The following SEM1 variants were observed in gnomAD, a reference collection of about 807,000 sequenced individuals.
The protein encoded by SEM1 is 26S proteasome complex subunit SEM1.
Under a neutral mutation model 12.7 loss-of-function variants are expected in SEM1, and 3 were observed. That is an observed-to-expected ratio of 0.24 (90% CI 0.11 to 0.61). The LOEUF is 0.61. Among genes scored for constraint, SEM1 ranks in the 20% least tolerant of loss-of-function variants. SEM1 has a pLI of 0.88. For synonymous variants in SEM1, 30 were observed against 27.8 expected, an observed-to-expected ratio of 1.08 and a Z score of -0.25; for missense variants, 59 against 81.3, an observed-to-expected ratio of 0.73 and a Z score of 1.06.
At chr7:96,661,595 T>C (rs1563102480) in intron 2 of SEM1, among the ~76,000 whole-genome samples, 1 of 151,192 alleles carries the variant, frequency 6.6e-6, no homozygotes, top group Non-Finnish European at 1.5e-5. Flanking sequence ...AGGAATAAAA[T>C]AGAGAAGAGA....
downstream of SEM1, among the ~76,000 whole-genome samples, chr7:96,669,788 A>G (rs1052660887): frequency 2.6e-5 from 4 of 152,194 alleles, no homozygotes; most frequent in African/African-American, 9.7e-5. Context: ...TGGTTTTTTA[A>G]AACTCCATTT....
At chr7:96,566,300 G>A (rs547602340) in intron 2 of SEM1, among the ~76,000 whole-genome samples, 7 of 151,456 alleles carry the variant, frequency 4.6e-5, no homozygotes, top group South Asian at 4.2e-4. Context: ...AATCATACAG[G>A]CATGTTTTAG....
chr7:96,514,162 A>G (rs1175579546), intron 2 of SEM1, among the ~76,000 whole-genome samples: 1 of 152,152 alleles, frequency 6.6e-6, no homozygotes, highest in Admixed American at 6.5e-5. Context: ...TAGAAGTGGA[A>G]TTACTAAGTC....
intron 1 of SEM1, among the ~76,000 whole-genome samples, chr7:96,493,884 T>A (rs1174887171): frequency 6.6e-6 from 1 of 152,180 alleles, no homozygotes; most frequent in African/African-American, 2.4e-5. Context: ...TCAAAACATA[T>A]AGGTTCTCCA....
chr7:96,531,717 T>C (rs904511528), intron 2 of SEM1, among the ~76,000 whole-genome samples: 6 of 152,136 alleles, frequency 3.9e-5, no homozygotes, highest in Admixed American at 1.3e-4. Context: ...TCAGAACATG[T>C]AGATGCTCAG....
intron 2 of SEM1, among the ~76,000 whole-genome samples, chr7:96,525,833 C>T (rs761196038): frequency 2.6e-5 from 4 of 152,082 alleles, no homozygotes; most frequent in Admixed American, 6.6e-5. Context: ...CTAGGTTGTG[C>T]GCTTCTTATG....
chr7:96,607,193 G>A (rs1433932102), intron 2 of SEM1, among the ~76,000 whole-genome samples: 2 of 152,162 alleles, frequency 1.3e-5, no homozygotes, highest in African/African-American at 4.8e-5. Flanking sequence ...CAGCTCTCAT[G>A]GAGTTTGCAT....
intron 1 of SEM1, among the ~76,000 whole-genome samples, chr7:96,492,587 T>A (rs1172044467): frequency 1.1e-4 from 2 of 18,510 alleles, no homozygotes; most frequent in African/African-American, 4.6e-4. Flanking sequence ...TTTTTTGTAT[T>A]TTTTTTTTTT....
At position 96,532,742 on chromosome 7, in the gene SEM1, C is replaced by A. The variant is rs74640258; in HGVS notation, c.171-26044G>T. ...AGCTAAATGAAGCAAAATGCATTAT[C>A]GTACTTGCTAATTACATTTCATTTC... On this transcript the variant is annotated intron_variant and NMD_transcript_variant, in intron 2 of 3. Transcript: ENST00000466986. Among the ~76,000 whole-genome samples the A allele has an allele frequency of 6.1e-3, 927 of 152,180 alleles. 13 individuals carry two copies. Among genetic ancestry groups the A allele is most frequent in the African/African-American group, 0.021 (883 of 41,552 alleles).
chr7:96,650,209 A>G, intron 2 of SEM1: 1 of 364,994 alleles, frequency 2.7e-6, no homozygotes, highest in African/African-American at 2.1e-5. Flanking sequence ...CTTGACCACA[A>G]AAATATTTTT....
Position 96,586,282 on chromosome 7 carries a change from G to T in SEM1, c.171-79584C>A, listed in dbSNP as rs151011148. On this transcript the variant is annotated intron_variant and NMD_transcript_variant, in intron 2 of 3. Transcript: ENST00000466986. ...CCTTCTTTCCTACAGAATTCCAGCT[G>T]CCAGTGGTAGGAAGGATTCTTCCTG... 4.8e-4 allele frequency among the ~76,000 whole-genome samples: 73 copies of T among 152,256 alleles called. 1 individual carries two copies. Among genetic ancestry groups the T allele is most frequent in the African/African-American group, 1.6e-3 (68 of 41,556 alleles).
At chr7:96,584,871 A>C (rs1806555264) in intron 2 of SEM1, among the ~76,000 whole-genome samples, 1 of 151,218 alleles carries the variant, frequency 6.6e-6, no homozygotes, top group African/African-American at 2.4e-5. Flanking sequence ...ACATTCTTCT[A>C]AATTTTTTTC....
intron 2 of SEM1, among the ~76,000 whole-genome samples, chr7:96,570,199 T>C (rs1805975132): frequency 1.6e-5 from 2 of 128,310 alleles, no homozygotes; most frequent in Admixed American, 7.3e-5. Context: ...ATTTTTTGAC[T>C]TTTTTTTTTT....
chr7:96,700,929 T>C (rs1790251799), intron 1 of SEM1, among the ~76,000 whole-genome samples: 2 of 152,200 alleles, frequency 1.3e-5, no homozygotes, highest in Admixed American at 1.3e-4. Context: ...AACCACATTA[T>C]TAAGTACTTG....
At chr7:96,559,410 T>C (rs1805625500) in intron 2 of SEM1, among the ~76,000 whole-genome samples, 1 of 152,014 alleles carries the variant, frequency 6.6e-6, no homozygotes, top group South Asian at 2.1e-4. Context: ...GCCTCCCAGG[T>C]AGCTGGGAAT....
chr7:96,581,765 C>G (rs1806418663), intron 2 of SEM1, among the ~76,000 whole-genome samples: 1 of 151,618 alleles, frequency 6.6e-6, no homozygotes, highest in African/African-American at 2.4e-5. Context: ...TGATTTGGCT[C>G]TCTGTTTGTC....
chr7:96,582,413 G>A (rs550421429), intron 2 of SEM1, among the ~76,000 whole-genome samples: 38 of 150,612 alleles, frequency 2.5e-4, no homozygotes, highest in Non-Finnish European at 4.7e-4. Context: ...TGTTCATCAA[G>A]GATATTGGTC....
At chr7:96,515,700 A>G (rs1804072833) in intron 2 of SEM1, among the ~76,000 whole-genome samples, 1 of 152,214 alleles carries the variant, frequency 6.6e-6, no homozygotes, top group African/African-American at 2.4e-5. Context: ...GCAGCCATAA[A>G]AAAGGATGAG....
At chr7:96,601,806 A>G (rs1359080068) in intron 2 of SEM1, among the ~76,000 whole-genome samples, 1 of 151,772 alleles carries the variant, frequency 6.6e-6, no homozygotes, top group Non-Finnish European at 1.5e-5. Flanking sequence ...AAGACCAAAC[A>G]GAAATCTTTT....
Sources: gnomAD v4.1 joint callset for allele counts (sites outside exome capture counted in the v4.1 genomes callset) on GRCh38, gnomAD v4.1.1 for gene constraint, MANE v1.5 for transcripts, NCBI Gene and HGNC (gene_info 2026-07-23, HGNC 2026-07-21) for gene names.